The following CTNNA3 variants were observed in gnomAD, a reference collection of about 807,000 sequenced individuals.
CTNNA3 encodes catenin alpha 3.
CTNNA3 carries 76 observed loss-of-function variants against 95.7 expected under a neutral mutation model. That is an observed-to-expected ratio of 0.79 (90% CI 0.66 to 0.96). CTNNA3 has a LOEUF of 0.96. Among genes scored for constraint, CTNNA3 ranks in the 40% least tolerant of loss-of-function variants. The pLI, the probability that CTNNA3 is intolerant of heterozygous loss-of-function variation, is 0.00. For missense variants in CTNNA3, 1,191 were observed against 1,089.8 expected, an observed-to-expected ratio of 1.09 and a Z score of -1.31; for synonymous variants, 431 against 374.4, an observed-to-expected ratio of 1.15 and a Z score of -1.74.
At chr10:67,379,289 G>T (rs373312706) in intron 5 of CTNNA3, among the ~76,000 whole-genome samples, 3 of 152,026 alleles carry the variant, frequency 2.0e-5, no homozygotes, top group Non-Finnish European at 4.4e-5. Context: ...CTAGCCCCCC[G>T]CTTGGACAAG....
chr10:66,137,869 G>T (rs975184683), intron 13 of CTNNA3, among the ~76,000 whole-genome samples: 2 of 152,108 alleles, frequency 1.3e-5, no homozygotes, highest in African/African-American at 2.4e-5. Context: ...GGGATGGCTT[G>T]AGTCCAGGAG....
intron 9 of CTNNA3, among the ~76,000 whole-genome samples, chr10:66,662,106 C>T (rs947336009): frequency 6.6e-6 from 1 of 152,128 alleles, no homozygotes; most frequent in Non-Finnish European, 1.5e-5. Flanking sequence ...TGCTTAAAAA[C>T]GAATTGTTGT....
intron 5 of CTNNA3, among the ~76,000 whole-genome samples, chr10:67,400,863 A>T (rs1202764137): frequency 1.3e-5 from 2 of 152,232 alleles, no homozygotes; most frequent in Admixed American, 1.3e-4. Flanking sequence ...AGAATATTAG[A>T]ATTAAATTAC....
intron 12 of CTNNA3, among the ~76,000 whole-genome samples, chr10:66,320,501 G>A (rs55868838): frequency 0.063 from 9,583 of 152,066 alleles, 460 homozygotes; most frequent in East Asian, 0.21. Context: ...CCTTAGCTTC[G>A]TCAATTCCTG....
At chr10:66,626,367 G>C (rs918340251) in intron 9 of CTNNA3, among the ~76,000 whole-genome samples, 12 of 132,878 alleles carry the variant, frequency 9.0e-5, no homozygotes, top group African/African-American at 2.9e-4. Flanking sequence ...TTTATATATT[G>C]TTCATATAGT....
intron 1 of CTNNA3, chr10:67,751,059 G>A: frequency 1.3e-6 from 2 of 1,492,786 alleles, no homozygotes; most frequent in East Asian, 2.3e-5. Context: ...GAATGTGACT[G>A]TGATCCCCAA....
intron 5 of CTNNA3, among the ~76,000 whole-genome samples, chr10:67,516,543 A>G (rs928284135): frequency 4.6e-5 from 7 of 152,280 alleles, no homozygotes; most frequent in East Asian, 3.9e-4. Flanking sequence ...GTCATTATCT[A>G]TCTAGAATTT....
At chr10:67,721,247 A>C (rs1841178283) in intron 1 of CTNNA3, among the ~76,000 whole-genome samples, 1 of 152,030 alleles carries the variant, frequency 6.6e-6, no homozygotes, top group African/African-American at 2.4e-5. Flanking sequence ...TATCCTGAAG[A>C]GTGTTTTCCA....
chr10:66,195,492 T>G (rs1333094271), intron 13 of CTNNA3, among the ~76,000 whole-genome samples: 1 of 152,160 alleles, frequency 6.6e-6, no homozygotes, highest in Non-Finnish European at 1.5e-5. Context: ...CAAATAGTTT[T>G]TGGAGATACA....
chr10:67,616,988 T>C (rs1293393309), intron 2 of CTNNA3, among the ~76,000 whole-genome samples: 1 of 152,180 alleles, frequency 6.6e-6, no homozygotes, highest in Non-Finnish European at 1.5e-5. Context: ...CAATTAGGTG[T>C]AGTATTTCTC....
chr10:66,903,392 C>G (rs952955042), intron 7 of CTNNA3, among the ~76,000 whole-genome samples: 1 of 152,134 alleles, frequency 6.6e-6, no homozygotes, highest in African/African-American at 2.4e-5. Flanking sequence ...ATAATAGGAG[C>G]TATTTATGAC....
At chr10:67,698,587 G>A (rs1345813437), upstream of CTNNA3, among the ~76,000 whole-genome samples, 1 of 152,038 alleles carries the variant, frequency 6.6e-6, no homozygotes, top group Admixed American at 6.5e-5. Context: ...ACTTTTGCAT[G>A]AACCATGAGT....
intron 12 of CTNNA3, among the ~76,000 whole-genome samples, chr10:66,367,846 C>A (rs2092721231): frequency 7.0e-6 from 1 of 142,108 alleles, no homozygotes; most frequent in Non-Finnish European, 1.5e-5. Context: ...TTTAAGGCTT[C>A]TTTTATAATA....
chr10:65,999,249 G>A (rs2078724041), intron 15 of CTNNA3, among the ~76,000 whole-genome samples: 1 of 152,078 alleles, frequency 6.6e-6, no homozygotes, highest in Non-Finnish European at 1.5e-5. Flanking sequence ...AGCTGTCTAA[G>A]CTCCTGAAAG....
intron 11 of CTNNA3, among the ~76,000 whole-genome samples, chr10:66,383,696 G>A (rs2092862234): frequency 6.6e-6 from 1 of 152,194 alleles, no homozygotes; most frequent in African/African-American, 2.4e-5. Context: ...CAGCCAGAGA[G>A]AAAGGTTGAG....
At position 66,028,076 on chromosome 10, in the gene CTNNA3, G is replaced by A. The variant is rs571926780; in HGVS notation, c.2160-39279C>T. 5.3e-5 allele frequency among the ~76,000 whole-genome samples: 8 copies of A among 152,152 alleles called. No individual in the cohort carries two copies. In the East Asian group the frequency reaches 5.8e-4, roughly 11 times the overall value. On this transcript the variant is annotated intron_variant, in intron 15 of 17. Coordinates refer to ENST00000433211, the MANE Select transcript of CTNNA3 (RefSeq NM_013266.4). ...TTACTTATACTTAAATATGAACAGC[G>A]ATCCAAGCATTACCATACATTTGAA...
intron 13 of CTNNA3, among the ~76,000 whole-genome samples, chr10:66,268,534 C>A (rs901446647): frequency 1.3e-5 from 2 of 152,120 alleles, no homozygotes; most frequent in African/African-American, 4.8e-5. Context: ...GGAGTCTGTA[C>A]CCTTTCTAAA....
At chr10:67,269,622 CCTTA>C (rs926653638) in intron 5 of CTNNA3, among the ~76,000 whole-genome samples, 10 of 151,980 alleles carry the variant, frequency 6.6e-5, no homozygotes, top group Admixed American at 4.6e-4. Context: ...TGAAAATTTC[CCTTA>C]CTTATTTCCA....
intron 13 of CTNNA3, among the ~76,000 whole-genome samples, chr10:66,160,926 A>G (rs2084809572): frequency 6.6e-6 from 1 of 152,184 alleles, no homozygotes; most frequent in South Asian, 2.1e-4. Context: ...TTTTACCATT[A>G]TATAATGTCC....
Sources: gnomAD v4.1 joint callset for allele counts (sites outside exome capture counted in the v4.1 genomes callset) on GRCh38, gnomAD v4.1.1 for gene constraint, MANE v1.5 for transcripts, NCBI Gene and HGNC (gene_info 2026-07-23, HGNC 2026-07-21) for gene names.